Variants in PHEX observed in about 807,000 individuals in gnomAD.
PHEX encodes the protein phosphate regulating endopeptidase X-linked.
Under a neutral mutation model 68.0 loss-of-function variants are expected in PHEX, and 16 were observed. The ratio of observed to expected loss-of-function variants is 0.24; its 90% CI spans 0.16 to 0.36. PHEX has a LOEUF of 0.36. Among genes scored for constraint, PHEX ranks in the 10% least tolerant of loss-of-function variants. PHEX has a pLI of 1.00. For missense variants in PHEX, 480 were observed against 575.5 expected, an observed-to-expected ratio of 0.83 and a Z score of 1.70; for synonymous variants, 208 against 205.1, an observed-to-expected ratio of 1.01 and a Z score of -0.12.
At position 22,097,439 on chromosome X, in the gene PHEX, A is replaced by G. The variant is rs559318815; in HGVS notation, c.933+401A>G. ...TCCAAGGTATCCATCACAGCTCCAT[A>G]TATCACATCTGCTGTCAGAGCAGGA... On this transcript the variant is annotated intron_variant, in intron 8 of 21. Coordinates refer to ENST00000379374, the MANE Select transcript of PHEX (RefSeq NM_000444.6). Among the ~76,000 whole-genome samples the G allele has an allele frequency of 8.9e-5, 10 of 112,181 alleles. No homozygotes were observed. The South Asian group carries it at 2.2e-3, about 25-fold the overall frequency.
chrX:22,178,178 T>TCTCTGCTAGTTGCTC, intron 13 of PHEX, 95 bp from the exon 14 acceptor site: 2 of 508,545 alleles, frequency 3.9e-6, no homozygotes, highest in Non-Finnish European at 7.0e-6. Flanking sequence ...TGATGCAGCT[T>TCTCTGCTAGTTGCTC]CTCTGCTAGT....
intron 13 of PHEX, among the ~76,000 whole-genome samples, chrX:22,175,347 CG>C (rs151110204): frequency 0.046 from 4,888 of 105,504 alleles, 130 homozygotes; most frequent in Middle Eastern, 0.075. Flanking sequence ...TTCTTTACAA[CG>C]TTTTTTTTTT....
chrX:22,189,188 A>G (rs919485590), intron 14 of PHEX, among the ~76,000 whole-genome samples: 13 of 112,483 alleles, frequency 1.2e-4, no homozygotes, highest in Non-Finnish European at 2.4e-4. Context: ...GTTGGTGGAC[A>G]CTTAGGCTGC....
Position 22,113,005 on chromosome X carries a change from TTGTGTGTGTGTGTGTGTGTGTGTG to T in PHEX, c.1174-1427_1174-1404del, listed in dbSNP as rs560422828. ...GGTTAAGATACAAAACAAGTAGGTT[TTGTGTGTGTGTGTGTGTGTGTGTG>T]TGTGTGTGTGTGTGTGTGTGTGTGT... is the stretch of plus-strand genomic sequence containing the variant. On this transcript the variant is annotated intron_variant, in intron 10 of 21. Coordinates refer to ENST00000379374, the MANE Select transcript of PHEX (RefSeq NM_000444.6). Among the ~76,000 whole-genome samples the T allele has an allele frequency of 1.9e-3, 168 of 88,711 alleles. 1 individual carries two copies. The highest frequency in any genetic ancestry group is 2.8e-3 in the Non-Finnish European group (122 of 43,250). 77.0% of individuals were successfully genotyped at this position (88,711 alleles called of 115,157 possible).
intron 10 of PHEX, 103 bp downstream of exon 10, chrX:22,111,663 C>A: frequency 1.6e-6 from 1 of 641,823 alleles, no homozygotes; most frequent in Non-Finnish European, 2.6e-6. Flanking sequence ...AGGGATTAGA[C>A]AGGGGGAGTT....
intron 12 of PHEX, among the ~76,000 whole-genome samples, chrX:22,162,550 T>G (rs1164723709): frequency 8.9e-6 from 1 of 112,051 alleles, no homozygotes; most frequent in East Asian, 2.8e-4. Context: ...ACAACTAACA[T>G]TTGCTCATCA....
chrX:22,145,790 G>A (rs946464374), intron 12 of PHEX, among the ~76,000 whole-genome samples: 1 of 111,774 alleles, frequency 8.9e-6, no homozygotes, highest in Non-Finnish European at 1.9e-5. Flanking sequence ...TAGCTAGGCT[G>A]TTTTTATAAA....
intron 8 of PHEX, 52 bp downstream of exon 8, chrX:22,097,090 G>A (rs781343445): frequency 1.4e-5 from 12 of 851,250 alleles, no homozygotes; most frequent in Admixed American, 2.2e-5. Flanking sequence ...TTTTAGAAGG[G>A]ATTGGATTTC....
intron 3 of PHEX, among the ~76,000 whole-genome samples, 179 bp from the exon 4 acceptor site, chrX:22,076,209 A>C (rs41309583): frequency 4.4e-5 from 5 of 112,367 alleles, no homozygotes; most frequent in Non-Finnish European, 9.4e-5. Context: ...TTTTTATTTG[A>C]ACCTCATGCA....
intron 14 of PHEX, among the ~76,000 whole-genome samples, chrX:22,184,243 GT>G (rs1342781656): frequency 5.0e-4 from 48 of 95,935 alleles, no homozygotes; most frequent in East Asian, 6.2e-4. Flanking sequence ...TTTCCTTCTT[GT>G]TTTTTTTTTT....
chrX:22,166,816 G>A (rs181489507), intron 12 of PHEX, among the ~76,000 whole-genome samples: 5 of 110,912 alleles, frequency 4.5e-5, no homozygotes, highest in Non-Finnish European at 7.5e-5. Context: ...CCATCCTACT[G>A]TACTCTGTTA....
intron 21 of PHEX, among the ~76,000 whole-genome samples, chrX:22,246,882 AC>A (rs1300349707): frequency 8.9e-6 from 1 of 111,995 alleles, no homozygotes; most frequent in African/African-American, 3.2e-5. Context: ...TCTCTAGTCA[AC>A]CCTTTGAACA....
At chrX:22,224,947 A>AATTATCATACAGCGCTGTATGTTTT (rs1935401585) in intron 18 of PHEX, among the ~76,000 whole-genome samples, 3 of 23,248 alleles carry the variant, frequency 1.3e-4, no homozygotes, top group Admixed American at 4.8e-4. Flanking sequence ...AAATAACATA[A>AATTATCATACAGCGCTGTATGTTTT]ATTATCATAC....
At chrX:22,133,824 G>T (rs1386158105) in intron 12 of PHEX, among the ~76,000 whole-genome samples, 200 bp downstream of exon 12, 2 of 111,798 alleles carry the variant, frequency 1.8e-5, no homozygotes, top group African/African-American at 3.3e-5. Flanking sequence ...TGAATTTTTC[G>T]AACTGCATTT....
At chrX:22,190,144 G>C (rs777173002) in intron 14 of PHEX, among the ~76,000 whole-genome samples, 1 of 112,256 alleles carries the variant, frequency 8.9e-6, no homozygotes, top group East Asian at 2.8e-4. Flanking sequence ...TTAGATTCTA[G>C]AATTTCTCTT....
chrX:22,166,528 TTATA>T (rs397896114), intron 12 of PHEX, among the ~76,000 whole-genome samples: 3 of 109,244 alleles, frequency 2.7e-5, no homozygotes, highest in Admixed American at 9.9e-5. Context: ...TGTCAAAATT[TTATA>T]TATATATATA....
At chrX:22,192,516 A>T (rs1214876305) in intron 15 of PHEX, among the ~76,000 whole-genome samples, 1 of 111,577 alleles carries the variant, frequency 9.0e-6, no homozygotes, top group Non-Finnish European at 1.9e-5. Flanking sequence ...AAGGTCTGTT[A>T]TCTTTCTGCC....
At chrX:22,112,900 C>T (rs1443496208) in intron 10 of PHEX, among the ~76,000 whole-genome samples, 2 of 108,831 alleles carry the variant, frequency 1.8e-5, no homozygotes, top group African/African-American at 3.4e-5. Flanking sequence ...AGCAAGACTC[C>T]GTCTCAAAAA....
chrX:22,175,217 C>T (rs1157419606), intron 13 of PHEX, among the ~76,000 whole-genome samples: 1 of 112,184 alleles, frequency 8.9e-6, no homozygotes, highest in Non-Finnish European at 1.9e-5. Context: ...TCTTTCTAAA[C>T]ATAAATAAGC....
Sources: gnomAD v4.1 joint callset for allele counts (sites outside exome capture counted in the v4.1 genomes callset) on GRCh38, gnomAD v4.1.1 for gene constraint, MANE v1.5 for transcripts, NCBI Gene and HGNC (gene_info 2026-07-23, HGNC 2026-07-21) for gene names.